The following NAALADL2 variants were observed in gnomAD, a reference collection of about 807,000 sequenced individuals.
NAALADL2 encodes N-acetylated alpha-linked acidic dipeptidase like 2, also known as inactive N-acetylated-alpha-linked acidic dipeptidase-like protein 2.
Under a neutral mutation model 87.2 loss-of-function variants are expected in NAALADL2, and 76 were observed. That is an observed-to-expected ratio of 0.87 (90% CI 0.72 to 1.05). The LOEUF (loss-of-function observed/expected upper bound fraction) is 1.05. Among genes scored for constraint, NAALADL2 ranks in the 50% least tolerant of loss-of-function variants. NAALADL2 has a pLI of 0.00. For synonymous variants in NAALADL2, 354 were observed against 331.0 expected (o/e 1.07, Z -0.75); for missense variants, 1,089 against 945.8 (o/e 1.15, Z -1.99).
At chr3:174,874,092 G>A (rs1728186363) in intron 1 of NAALADL2, among the ~76,000 whole-genome samples, 1 of 152,004 alleles carries the variant, frequency 6.6e-6, no homozygotes. Context: ...GATTACAGTG[G>A]GGTTATAAGG....
intron 3 of NAALADL2, among the ~76,000 whole-genome samples, chr3:174,822,678 G>A (rs1031876070): frequency 6.6e-6 from 1 of 152,132 alleles, no homozygotes; most frequent in Non-Finnish European, 1.5e-5. Context: ...CTATAGGTAG[G>A]TGCATTTTGG....
intron 2 of NAALADL2, among the ~76,000 whole-genome samples, chr3:175,167,223 A>G (rs1158174890): frequency 6.6e-6 from 1 of 152,132 alleles, no homozygotes; most frequent in Non-Finnish European, 1.5e-5. Context: ...CAGACAATAC[A>G]TAAAATAATA....
intron 2 of NAALADL2, among the ~76,000 whole-genome samples, chr3:175,202,040 T>C (rs976894434): frequency 3.7e-4 from 56 of 152,020 alleles, no homozygotes; most frequent in African/African-American, 1.3e-3. Context: ...AACAAGGTCA[T>C]TACTATTTAT....
chr3:175,038,935 T>C (rs1480580184), intron 1 of NAALADL2, among the ~76,000 whole-genome samples: 1 of 152,134 alleles, frequency 6.6e-6, no homozygotes, highest in East Asian at 1.9e-4. Context: ...ATGCCCATCC[T>C]ATCTAAAGGT....
At chr3:174,917,490 G>A (rs1179759094) in intron 1 of NAALADL2, among the ~76,000 whole-genome samples, 2 of 152,036 alleles carry the variant, frequency 1.3e-5, no homozygotes, top group Non-Finnish European at 2.9e-5. Flanking sequence ...GTAGTAACAT[G>A]TGGTCCAGAA....
At chr3:174,739,163 T>G (rs574689514) in intron 3 of NAALADL2, among the ~76,000 whole-genome samples, 26 of 152,110 alleles carry the variant, frequency 1.7e-4, no homozygotes, top group Non-Finnish European at 3.4e-4. Context: ...TTTATTTTAT[T>G]TTTTACAGCA....
chr3:175,370,275 A>G (rs755119173), intron 5 of NAALADL2, among the ~76,000 whole-genome samples: 19 of 152,202 alleles, frequency 1.2e-4, no homozygotes, highest in Non-Finnish European at 2.5e-4. Flanking sequence ...ATTCTCAACT[A>G]TAATTTTAAA....
At chr3:174,604,999 C>T (rs900960536) in intron 2 of NAALADL2, among the ~76,000 whole-genome samples, 2 of 152,058 alleles carry the variant, frequency 1.3e-5, no homozygotes. Context: ...GTGATCCACC[C>T]ACCTCAGCCT....
At chr3:174,843,664 T>C (rs911601497) in intron 3 of NAALADL2, among the ~76,000 whole-genome samples, 4 of 152,126 alleles carry the variant, frequency 2.6e-5, no homozygotes, top group Non-Finnish European at 5.9e-5. Context: ...CAACAATGTG[T>C]AAGTGTTCCC....
chr3:174,575,863 T>C (rs1197708551), intron 2 of NAALADL2, among the ~76,000 whole-genome samples: 1 of 152,108 alleles, frequency 6.6e-6, no homozygotes, highest in Non-Finnish European at 1.5e-5. Flanking sequence ...TATAGTTTGT[T>C]TGTTTGTTTA....
intron 1 of NAALADL2, among the ~76,000 whole-genome samples, chr3:175,016,882 G>A (rs1750891089): frequency 1.3e-5 from 2 of 151,912 alleles, no homozygotes; most frequent in Admixed American, 1.3e-4. Flanking sequence ...GGGTGATCGG[G>A]TTATCTATCA....
intron 2 of NAALADL2, among the ~76,000 whole-genome samples, chr3:174,651,553 A>G (rs752307783): frequency 3.4e-4 from 51 of 152,222 alleles, no homozygotes; most frequent in Admixed American, 1.8e-3. Context: ...AATAAAAACA[A>G]TAACTTAGGC....
intron 11 of NAALADL2, among the ~76,000 whole-genome samples, chr3:175,633,918 A>G (rs1011215703): frequency 1.3e-5 from 2 of 151,744 alleles, no homozygotes; most frequent in African/African-American, 4.8e-5. Flanking sequence ...AACATGACAA[A>G]GAAAAAGTAG....
rs537138619 is a variant in NAALADL2 at position 174,680,853 on chromosome 3, T to A, written c.-114-56788T>A. ...TTTAATAACTATACATACAAATAAA[T>A]ACCTTCATAAGAACTAAAAATCAGG... On this transcript the variant is annotated intron_variant, in intron 2 of 3. Transcript: ENST00000434257. Among the ~76,000 whole-genome samples, 12 of 152,258 alleles carry A rather than the reference T, an allele frequency of 7.9e-5. No homozygotes were observed. In the South Asian group the frequency reaches 1.9e-3, roughly 24 times the overall value.
intron 3 of NAALADL2, among the ~76,000 whole-genome samples, chr3:174,760,258 A>G (rs1219925044): frequency 1.3e-5 from 2 of 152,190 alleles, no homozygotes; most frequent in African/African-American, 4.8e-5. Context: ...ATGGCACCAC[A>G]CTGCCATCAT....
chr3:175,753,967 G>T (rs1231905506), intron 12 of NAALADL2, among the ~76,000 whole-genome samples: 1 of 152,112 alleles, frequency 6.6e-6, no homozygotes, highest in African/African-American at 2.4e-5. Context: ...TGCCAGCCTT[G>T]TTGAAGCCAG....
At chr3:174,797,298 CTTTTTTCTTTTTT>C (rs1301934609) in intron 3 of NAALADL2, among the ~76,000 whole-genome samples, 9 of 97,738 alleles carry the variant, frequency 9.2e-5, no homozygotes, top group Non-Finnish European at 1.2e-4. Context: ...TTTTGTTTTT[CTTTTTTCTTTTTT>C]TTTTTTTTTT....
chr3:174,608,263 A>G (rs1237540322), intron 2 of NAALADL2, among the ~76,000 whole-genome samples: 2 of 152,168 alleles, frequency 1.3e-5, no homozygotes, highest in African/African-American at 4.8e-5. Context: ...AGAACTAGAA[A>G]AGCAAGAGCA....
At chr3:175,625,214 A>C (rs1726811075) in intron 10 of NAALADL2, among the ~76,000 whole-genome samples, 1 of 151,990 alleles carries the variant, frequency 6.6e-6, no homozygotes, top group African/African-American at 2.4e-5. Context: ...TTGGATAGTT[A>C]CAGTTCTATT....
Sources: allele counts gnomAD v4.1 joint callset (sites outside exome capture counted in the v4.1 genomes callset), GRCh38; gene constraint gnomAD v4.1.1; transcripts MANE v1.5; gene names NCBI Gene and HGNC (gene_info 2026-07-23, HGNC 2026-07-21).